The following SH3BGR variants were observed in gnomAD, a reference collection of about 807,000 sequenced individuals.
SH3BGR encodes SH3 domain-binding glutamic acid-rich protein.
In SH3BGR, 29 loss-of-function variants were observed where a neutral mutation model predicts 24.5. That is an observed-to-expected ratio of 1.18 (90% CI 0.88 to 1.61). The LOEUF (loss-of-function observed/expected upper bound fraction) is 1.61, where lower values mean the gene tolerates loss of function less well. Ranked by LOEUF, SH3BGR falls within the 40% of genes most tolerant of loss-of-function variation. The pLI, the probability that SH3BGR is intolerant of heterozygous loss-of-function variation, is 0.00. For synonymous variants in SH3BGR, 55 were observed against 65.7 expected (o/e 0.84, Z 0.79); for missense variants, 162 against 205.8 (o/e 0.79, Z 1.30).
At chr21:39,482,420 G>T (rs984510871) in intron 3 of SH3BGR, among the ~76,000 whole-genome samples, 65 of 152,174 alleles carry the variant, frequency 4.3e-4, no homozygotes, top group African/African-American at 1.5e-3. Flanking sequence ...AATATTTATT[G>T]CAGGCAACTT....
intron 4 of SH3BGR, among the ~76,000 whole-genome samples, chr21:39,505,938 A>G (rs2078575313): frequency 6.6e-6 from 1 of 152,210 alleles, no homozygotes; most frequent in Non-Finnish European, 1.5e-5. Context: ...TTGGATTCAG[A>G]AGAATGTAAA....
intron 2 of SH3BGR, among the ~76,000 whole-genome samples, chr21:39,473,492 G>T (rs1478577947): frequency 4.6e-5 from 7 of 152,164 alleles, no homozygotes. Flanking sequence ...ACCAAGATTT[G>T]AGGCAGCTTC....
chr21:39,461,356 T>G (rs968557765), intron 1 of SH3BGR, among the ~76,000 whole-genome samples: 2 of 152,050 alleles, frequency 1.3e-5, no homozygotes, highest in African/African-American at 4.8e-5. Context: ...AGGCTGGTCT[T>G]GAACTCCTGA....
At chr21:39,492,454 GTGTGTGTGTGTGTATATATATAT>G (rs1293125018) in intron 3 of SH3BGR, among the ~76,000 whole-genome samples, 2 of 105,918 alleles carry the variant, frequency 1.9e-5, no homozygotes, top group Admixed American at 1.2e-4. Flanking sequence ...GTGTGTGTGT[GTGTGTGTGTGTGTATATATATAT>G]ATATACACAC....
chr21:39,447,233 A>G (rs1166472783), upstream of SH3BGR, among the ~76,000 whole-genome samples: 1 of 152,012 alleles, frequency 6.6e-6, no homozygotes, highest in Non-Finnish European at 1.5e-5. Context: ...GCCCCATGAC[A>G]GTAACGAGAG....
At position 39,496,425 on chromosome 21, in the gene SH3BGR, A is replaced by G. The variant is rs186548655; in HGVS notation, c.313-3398A>G. ...TGAGGCAGGAGAATGGCGTGAACCC[A>G]GGAAGCGGAGCTTGCAGTGAGCCGA... On this transcript the variant is annotated intron_variant, in intron 3 of 6. Transcript: ENST00000333634. Among the ~76,000 whole-genome samples the G allele has an allele frequency of 1.9e-3, 286 of 150,008 alleles. 2 individuals carry two copies. The highest frequency in any genetic ancestry group is 6.6e-3 in the African/African-American group (270 of 40,806).
At chr21:39,488,624 T>G (rs1433616380) in intron 3 of SH3BGR, 1 of 328,308 alleles carries the variant, frequency 3.0e-6, no homozygotes, top group African/African-American at 2.2e-5. Context: ...ATGGAAGGTC[T>G]TTGGGTGTTT....
intron 4 of SH3BGR, among the ~76,000 whole-genome samples, chr21:39,501,614 C>T (rs2078495740): frequency 6.6e-6 from 1 of 152,132 alleles, no homozygotes; most frequent in African/African-American, 2.4e-5. Context: ...TACAGAAAGA[C>T]AGATTCTGAC....
chr21:39,495,706 C>T (rs1459222204), intron 3 of SH3BGR, among the ~76,000 whole-genome samples: 1 of 152,076 alleles, frequency 6.6e-6, no homozygotes, highest in East Asian at 1.9e-4. Flanking sequence ...TAGTCTTGAA[C>T]CCTTGGCCTC....
intron 4 of SH3BGR, among the ~76,000 whole-genome samples, chr21:39,507,329 A>AT (rs2078600234): frequency 6.6e-6 from 1 of 151,836 alleles, no homozygotes; most frequent in Admixed American, 6.6e-5. Context: ...GCCTTCTGTG[A>AT]TATTTATTTA....
At position 39,492,162 on chromosome 21, in the gene SH3BGR, A is replaced by AT. The variant is rs1310891140; in HGVS notation, c.313-7657dup. ...AAGTTCTTTAGCGGTGATTTGTGAG[A>AT]TTTTGGTGCACCCATCACCCAAGCA... On this transcript the variant is annotated intron_variant, in intron 3 of 6. Coordinates refer to ENST00000333634, the MANE Select transcript of SH3BGR (RefSeq NM_007341.3). Among the ~76,000 whole-genome samples, 4 of 151,888 alleles carry AT rather than the reference A, an allele frequency of 2.6e-5. No individual in the cohort carries two copies. In the East Asian group the frequency reaches 7.7e-4, roughly 29 times the overall value.
intron 2 of SH3BGR, among the ~76,000 whole-genome samples, chr21:39,468,368 G>C (rs1472078463): frequency 4.6e-5 from 7 of 152,206 alleles, no homozygotes; most frequent in African/African-American, 1.7e-4. Flanking sequence ...AAGAAGGACA[G>C]TATACTATTA....
At chr21:39,494,528 G>T (rs1397466034) in intron 3 of SH3BGR, among the ~76,000 whole-genome samples, 1 of 151,896 alleles carries the variant, frequency 6.6e-6, no homozygotes, top group East Asian at 1.9e-4. Context: ...CAACACCTTG[G>T]ATGTGTTTTT....
Position 39,511,215 on chromosome 21 carries a change from G to A in SH3BGR, c.436-465G>A, listed in dbSNP as rs112716585. ...TGTGTTTGGTGTGTGTGTGTGTGAT[G>A]TGTGTTATGGTGTGTATGTTATGGT... On this transcript the variant is annotated intron_variant, in intron 5 of 6. Transcript: ENST00000333634. This position sits in a 1 kb window ranked among gnomAD's most constrained non-coding sequence, Gnocchi z 4.2. 0.033 allele frequency among the ~76,000 whole-genome samples: 4,972 copies of A among 150,266 alleles called. 83 individuals are homozygous for A. Among genetic ancestry groups the A allele is most frequent in the Middle Eastern group, 0.073 (21 of 288 alleles).
chr21:39,453,289 G>A (rs892969919), intron 1 of SH3BGR, among the ~76,000 whole-genome samples: 1 of 152,210 alleles, frequency 6.6e-6, no homozygotes, highest in Non-Finnish European at 1.5e-5. Flanking sequence ...CAAATTAGCC[G>A]AAAAAGATGA....
chr21:39,452,223 G>A (rs1391472454), intron 1 of SH3BGR, 82 bp downstream of exon 1: 3 of 1,562,936 alleles, frequency 1.9e-6, no homozygotes, highest in African/African-American at 2.7e-5. Flanking sequence ...TTGGCCTTCA[G>A]TTTCTTTTTT....
At chr21:39,509,280 G>A (rs552959259) in intron 5 of SH3BGR, among the ~76,000 whole-genome samples, 38 of 152,248 alleles carry the variant, frequency 2.5e-4, no homozygotes, top group African/African-American at 7.9e-4. Flanking sequence ...GGTGTCTTCC[G>A]TGGTTTCTCA....
intron 3 of SH3BGR, among the ~76,000 whole-genome samples, chr21:39,481,026 A>G (rs1014101300): frequency 1.3e-5 from 2 of 152,226 alleles, no homozygotes; most frequent in African/African-American, 4.8e-5. Context: ...TCAATTTGGT[A>G]TCTCTCTTTC....
chr21:39,481,970 G>A (rs1186422283), intron 3 of SH3BGR, among the ~76,000 whole-genome samples: 1 of 152,090 alleles, frequency 6.6e-6, no homozygotes, highest in East Asian at 1.9e-4. Flanking sequence ...AAATTCAAAG[G>A]GGAAACCGAT....
Sources: gnomAD v4.1 joint callset for allele counts (sites outside exome capture counted in the v4.1 genomes callset) on GRCh38, gnomAD v4.1.1 for gene constraint, Gnocchi (gnomAD v3.1) non-coding constraint, MANE v1.5 for transcripts, NCBI Gene and HGNC (gene_info 2026-07-23, HGNC 2026-07-21) for gene names.